The following GMDS variants were observed in gnomAD, a reference collection of about 807,000 sequenced individuals.
GMDS encodes the protein GDP-mannose 4,6 dehydratase.
GMDS carries 20 observed loss-of-function variants against 49.9 expected under a neutral mutation model. That is an observed-to-expected ratio of 0.40 (90% CI 0.28 to 0.58). The LOEUF (loss-of-function observed/expected upper bound fraction) is 0.58, where lower values mean the gene tolerates loss of function less well. Ranked by LOEUF, GMDS falls within the 20% of genes least tolerant of loss-of-function variation. GMDS has a pLI of 0.42. For synonymous variants in GMDS, 177 were observed against 178.6 expected (o/e 0.99, Z 0.07); for missense variants, 362 against 481.4 (o/e 0.75, Z 2.32).
chr6:1,861,897 T>C (rs892905707), intron 7 of GMDS, among the ~76,000 whole-genome samples: 7 of 152,218 alleles, frequency 4.6e-5, no homozygotes, highest in Non-Finnish European at 8.8e-5. Context: ...ATAAAATACA[T>C]TTTATCTGTT....
chr6:1,920,872 TGTGAACA>T (rs1441620314), intron 7 of GMDS, among the ~76,000 whole-genome samples: 3 of 152,184 alleles, frequency 2.0e-5, no homozygotes, highest in Non-Finnish European at 2.9e-5. Flanking sequence ...CTAACCTAAG[TGTGAACA>T]GTTCTTTAGT....
At chr6:2,118,452 G>A (rs575425043) in intron 2 of GMDS, among the ~76,000 whole-genome samples, 1 of 152,206 alleles carries the variant, frequency 6.6e-6, no homozygotes, top group Non-Finnish European at 1.5e-5. Flanking sequence ...AAGTTCATTT[G>A]CAGCTGAATA....
chr6:1,934,744 G>A (rs1257892139), intron 6 of GMDS, among the ~76,000 whole-genome samples: 1 of 151,882 alleles, frequency 6.6e-6, no homozygotes, highest in African/African-American at 2.4e-5. Flanking sequence ...GGCTTAAAAT[G>A]ATTTTTTTTT....
chr6:2,221,285 T>C (rs969267711), intron 1 of GMDS, among the ~76,000 whole-genome samples: 3 of 152,262 alleles, frequency 2.0e-5, no homozygotes, highest in African/African-American at 7.2e-5. Flanking sequence ...TGTAATATCA[T>C]GATTTATCCA....
chr6:1,659,140 G>T (rs952611946), intron 9 of GMDS, among the ~76,000 whole-genome samples: 1 of 151,950 alleles, frequency 6.6e-6, no homozygotes, highest in African/African-American at 2.4e-5. Context: ...TGGGGTGTAT[G>T]CAGTTCCTGC....
intron 4 of GMDS, among the ~76,000 whole-genome samples, chr6:2,036,308 A>G (rs1267155519): frequency 6.6e-6 from 1 of 152,224 alleles, no homozygotes; most frequent in Non-Finnish European, 1.5e-5. Flanking sequence ...TGGCTGGATA[A>G]AGATCTAAAC....
chr6:1,657,520 T>C (rs1188900317), intron 9 of GMDS, among the ~76,000 whole-genome samples: 2 of 152,316 alleles, frequency 1.3e-5, no homozygotes, highest in East Asian at 3.9e-4. Flanking sequence ...TTTTACAGCA[T>C]TGACTAGCCT....
chr6:1,907,448 G>A (rs1646627843), intron 7 of GMDS, among the ~76,000 whole-genome samples: 1 of 152,170 alleles, frequency 6.6e-6, no homozygotes, highest in South Asian at 2.1e-4. Flanking sequence ...AAGAAGTTTT[G>A]TTTAAGAAAT....
At chr6:2,098,068 AT>A (rs1201133343) in intron 4 of GMDS, among the ~76,000 whole-genome samples, 1 of 151,222 alleles carries the variant, frequency 6.6e-6, no homozygotes, top group African/African-American at 2.4e-5. Context: ...TATTATTATT[AT>A]TTTTTTGAGA....
chr6:2,176,155 T>C (rs890827878), intron 1 of GMDS, among the ~76,000 whole-genome samples: 1 of 152,218 alleles, frequency 6.6e-6, no homozygotes, highest in African/African-American at 2.4e-5. Flanking sequence ...TCAGTTACTT[T>C]TGCTGATTGA....
intron 8 of GMDS, among the ~76,000 whole-genome samples, chr6:1,727,886 C>T (rs1766650718): frequency 6.6e-6 from 1 of 152,208 alleles, no homozygotes; most frequent in Non-Finnish European, 1.5e-5. Flanking sequence ...TAATATACAG[C>T]TGTACAACTG....
At chr6:2,083,928 C>CA (rs1772860305) in intron 4 of GMDS, among the ~76,000 whole-genome samples, 1 of 152,118 alleles carries the variant, frequency 6.6e-6, no homozygotes, top group African/African-American at 2.4e-5. Context: ...TAAGAAGAAA[C>CA]AGCTAAAGCT....
intron 7 of GMDS, among the ~76,000 whole-genome samples, chr6:1,844,662 GTCTTC>G (rs1757307042): frequency 6.6e-6 from 1 of 152,104 alleles, no homozygotes; most frequent in African/African-American, 2.4e-5. Flanking sequence ...TTTTAGCAGT[GTCTTC>G]TCTTGTGTTT....
chr6:2,051,346 T>C (rs182545170), intron 4 of GMDS, among the ~76,000 whole-genome samples: 157 of 152,344 alleles, frequency 1.0e-3, no homozygotes, highest in Middle Eastern at 0.01. Context: ...GTAGAAAACA[T>C]AGATATGGCA....
At position 2,191,947 on chromosome 6, in the gene GMDS, T is replaced by C. The variant is rs1433879539; in HGVS notation, c.102+53374A>G. On this transcript the variant is annotated intron_variant, in intron 1 of 10. Transcript: ENST00000380815. The surrounding 1 kb of genome is among the most constrained non-coding windows in gnomAD (Gnocchi z 4.6). The stretch of plus-strand genomic sequence containing the variant: ...ATGGTGACTTTTCTGGGCCTGCCCA[T>C]GACCACCCATGGACCAACTGGCACA... Among the ~76,000 whole-genome samples, 1 of 152,150 alleles carries C rather than the reference T, an allele frequency of 6.6e-6. No homozygotes were observed. Among genetic ancestry groups the C allele is most frequent in the East Asian group, 1.9e-4 (1 of 5,178 alleles).
chr6:1,691,233 A>G (rs1196158379), intron 9 of GMDS, among the ~76,000 whole-genome samples: 1 of 152,162 alleles, frequency 6.6e-6, no homozygotes, highest in Non-Finnish European at 1.5e-5. Context: ...GCTGGAAGCC[A>G]TTACCCTCAG....
intron 7 of GMDS, among the ~76,000 whole-genome samples, chr6:1,782,555 T>C (rs1296422979): frequency 2.0e-5 from 3 of 152,240 alleles, no homozygotes; most frequent in Non-Finnish European, 4.4e-5. Flanking sequence ...AAATTTCGTA[T>C]TACCCATAGA....
intron 4 of GMDS, among the ~76,000 whole-genome samples, chr6:1,961,597 C>T (rs1763949077): frequency 6.6e-6 from 1 of 152,158 alleles, no homozygotes; most frequent in South Asian, 2.1e-4. Context: ...TTCTTTAGAG[C>T]ACTTTTTAAA....
At chr6:1,961,313 T>C (rs1175328535) in intron 4 of GMDS, among the ~76,000 whole-genome samples, 1 of 152,176 alleles carries the variant, frequency 6.6e-6, no homozygotes, top group Non-Finnish European at 1.5e-5. Context: ...AACCAATCTC[T>C]TTGGGGGGTA....
Sources: allele counts gnomAD v4.1 joint callset (sites outside exome capture counted in the v4.1 genomes callset), GRCh38; gene constraint gnomAD v4.1.1; non-coding constraint Gnocchi (gnomAD v3.1); transcripts MANE v1.5; gene names NCBI Gene and HGNC (gene_info 2026-07-23, HGNC 2026-07-21).